BIRC7: variants seen among roughly 807,000 people sequenced by gnomAD.
BIRC7 encodes baculoviral IAP repeat-containing protein 7.
A neutral mutation model predicts 33.2 loss-of-function variants in BIRC7; 26 were observed. The ratio of observed to expected loss-of-function variants is 0.78; its 90% CI spans 0.57 to 1.09. The LOEUF is 1.09. BIRC7 is among the 50% of genes least tolerant of loss of function. The pLI, the probability that BIRC7 is intolerant of heterozygous loss-of-function variation, is 0.00. For synonymous variants in BIRC7, 176 were observed against 171.0 expected, an observed-to-expected ratio of 1.03 and a Z score of -0.23; for missense variants, 409 against 401.2, an observed-to-expected ratio of 1.02 and a Z score of -0.17.
intron 6 of BIRC7, 120 bp downstream of exon 6, chr20:63,239,730 A>T: frequency 7.5e-7 from 1 of 1,339,402 alleles, no homozygotes; most frequent in Non-Finnish European, 9.9e-7. Flanking sequence ...GCTTGTTTTT[A>T]CCCGGCTCCC....
At chr20:63,236,563 G>C in intron 1 of BIRC7, 118 bp downstream of exon 1, 1 of 1,365,690 alleles carries the variant, frequency 7.3e-7, no homozygotes, top group East Asian at 2.6e-5. Context: ...GGTCTGGCCT[G>C]ATGACGGAGC....
chr20:63,238,443 T>G lies in BIRC7; in HGVS notation c.497T>G (p.Val166Gly). The change falls in exon 3 of 7, where the codon GTG (valine) becomes GGG (glycine). Residue 166 changes from valine to glycine, a missense_variant. Val to Gly is a moderately radical substitution (Grantham distance 109). Coordinates refer to ENST00000217169, the MANE Select transcript of BIRC7 (RefSeq NM_139317.3). ...AAAGGAAGAGACTTTGTCCACAGTG[T>G]GCAGGAGACTCACTCCCAGCTGCTG... ...RSKGRDFVHSVQETHSQLLGS... is the reference protein window; with the variant it reads ...RSKGRDFVHSGQETHSQLLGS... 1.9e-6 allele frequency: 3 copies of G among 1,612,648 alleles called. No homozygotes were observed. The highest frequency in any genetic ancestry group is 2.5e-6 in the Non-Finnish European group (3 of 1,179,950).
chr20:63,239,158 A>G lies in BIRC7; in HGVS notation c.578-4A>G, dbSNP rs2066713665. On this transcript the variant is annotated splice_region_variant and splice_polypyrimidine_tract_variant and intron_variant, in intron 4 of 6. Coordinates refer to ENST00000217169, the MANE Select transcript of BIRC7 (RefSeq NM_139317.3). Reference sequence around the variant, plus strand: ...GGCCTCAAGTCTATCCTAACTGTCCACAGTCCCTGCCTCTGGGTACCCTGA... The same window carrying G: ...GGCCTCAAGTCTATCCTAACTGTCCGCAGTCCCTGCCTCTGGGTACCCTGA... The G allele has an allele frequency of 2.5e-6, 4 of 1,612,224 alleles. No individual in the cohort carries two copies. Among genetic ancestry groups the G allele is most frequent in the African/African-American group, 1.3e-5 (1 of 74,892 alleles).
rs112863575 is a variant in BIRC7 at position 63,238,441 on chromosome 20, T to C, written c.495T>C (p.Ser165=). 7.1e-5 allele frequency: 115 copies of C among 1,612,600 alleles called. No homozygotes were observed. The African/African-American group carries it at 1.4e-3, about 20-fold the overall frequency. The stretch of plus-strand genomic sequence containing the variant: ...CAAAAGGAAGAGACTTTGTCCACAG[T>C]GTGCAGGAGACTCACTCCCAGCTGC... ...LRSKGRDFVH[S]VQETHSQLLG... is the part of the protein sequence containing the mutation. The change falls in exon 3 of 7, where the codon AGT becomes AGC. Residue 165 remains serine (S), a synonymous_variant. Transcript: ENST00000217169.
chr20:63,238,013 C>A lies in BIRC7; in HGVS notation c.449+11C>A. ...CAAGTGGTTCCCCAGGTACCGGCTG[C>A]CCCTGCGGGGCCCCGGGTCTGATCA... On this transcript the variant is annotated intron_variant, in intron 2 of 6. Transcript: ENST00000217169. 6.3e-7 allele frequency: 1 copy of A among 1,580,980 alleles called. No individual in the cohort carries two copies. The highest frequency in any genetic ancestry group is 8.6e-7 in the Non-Finnish European group (1 of 1,166,814).
chr20:63,239,386 G>A lies in BIRC7; in HGVS notation c.678G>A (p.Arg226=), dbSNP rs766291917. 3.9e-5 allele frequency: 63 copies of A among 1,604,234 alleles called. No homozygotes were observed. The highest frequency in any genetic ancestry group is 5.2e-5 in the Non-Finnish European group (61 of 1,179,766). The change falls in exon 6 of 7, where the codon AGG becomes AGA. Residue 226 remains arginine, a synonymous_variant. Transcript: ENST00000217169. ...PGGVSPAEAQ[R]AWWVLEPPGA... ...GGGTCAGTCCAGCCGAGGCCCAGAG[G>A]GCGTGGTGGGTTCTTGAGCCCCCAG...
At chr20:63,238,239 C>T (rs2066704195) in intron 2 of BIRC7, 157 bp from the exon 3 acceptor site, 1 of 961,802 alleles carries the variant, frequency 1.0e-6, no homozygotes, top group East Asian at 2.6e-5. Flanking sequence ...CCTGAAGCCC[C>T]ATGGAGGCGT....
chr20:63,236,100 G>A lies in BIRC7; in HGVS notation c.4G>A (p.Gly2Arg). 6.5e-7 allele frequency: 1 copy of A among 1,543,786 alleles called. No individual in the cohort carries two copies. The highest frequency in any genetic ancestry group is 8.8e-7 in the Non-Finnish European group (1 of 1,136,656). Residue 2 changes from glycine (G) to arginine (R), a missense_variant, in exon 1 of 7, where the codon GGA becomes AGA. Transcript: ENST00000217169. Reference sequence around the variant, plus strand: ...GGTCAGAGCCAGTGTTCCCTCCATGGGACCTAAAGACAGTGCCAAGTGCCT... The same window carrying A: ...GGTCAGAGCCAGTGTTCCCTCCATGAGACCTAAAGACAGTGCCAAGTGCCT... MGPKDSAKCLHR... is the reference protein window; with the variant it reads MRPKDSAKCLHR...
Position 63,238,274 on chromosome 20 carries a change from T to A in BIRC7, c.450-122T>A, listed in dbSNP as rs767384081. 2.4e-6 allele frequency: 3 copies of A among 1,229,492 alleles called. No homozygotes were observed. In the South Asian group the frequency reaches 3.8e-5, roughly 16 times the overall value. The allele number at this position is 1,229,492 out of a possible 1,614,324, so 76.2% of individuals were successfully genotyped here. A position where few individuals can be genotyped will look rare whatever the true frequency, so the allele number is the denominator to read the frequency against. ...TCTCCACAGCAGCCCTCCTCGCCCATGCCCACGGGCACTGCAGGGTGGCGG... is the reference window on the plus strand; with the variant it reads ...TCTCCACAGCAGCCCTCCTCGCCCAAGCCCACGGGCACTGCAGGGTGGCGG... On this transcript the variant is annotated intron_variant, in intron 2 of 6. Coordinates refer to ENST00000217169, the MANE Select transcript of BIRC7 (RefSeq NM_139317.3).
At chr20:63,238,803 C>T in intron 4 of BIRC7, 189 bp downstream of exon 4, 1 of 770,792 alleles carries the variant, frequency 1.3e-6, no homozygotes, top group Non-Finnish European at 2.1e-6. Flanking sequence ...CGGCAGGGGC[C>T]TCCCCCAGTG....
In BIRC7 at chr20:63,239,384, AG is replaced by A; in HGVS notation, c.679del (p.Ala227ArgfsTer136). ...AGGGGTCAGTCCAGCCGAGGCCCAG[AG>A]GGCGTGGTGGGTTCTTGAGCCCCCA... is the stretch of plus-strand genomic sequence containing the variant. ...PGGVSPAEAQ[R>X]AWWVLEPPGA... On this transcript the variant is annotated frameshift_variant, in exon 6 of 7. Coordinates refer to ENST00000217169, the MANE Select transcript of BIRC7 (RefSeq NM_139317.3). LOFTEE classifies it high-confidence loss of function. The A allele has an allele frequency of 6.2e-7, 1 of 1,604,142 alleles. No individual in the cohort carries two copies.
chr20:63,239,031 G>C, intron 4 of BIRC7, 131 bp from the exon 5 acceptor site: 1 of 916,252 alleles, frequency 1.1e-6, no homozygotes, highest in South Asian at 1.5e-5. Flanking sequence ...AAGAAGTGTC[G>C]GGAGCGGGGA....
intron 1 of BIRC7, among the ~76,000 whole-genome samples, chr20:63,236,795 C>T (rs765220710): frequency 1.3e-5 from 2 of 152,210 alleles, no homozygotes; most frequent in Non-Finnish European, 2.9e-5. Context: ...ACCTTCCCCG[C>T]TGCTGTTCTG....
At position 63,239,363 on chromosome 20, in the gene BIRC7, G is replaced by T. The variant is rs2066716776; in HGVS notation, c.655G>T (p.Val219Phe). Residue 219 changes from valine (V) to phenylalanine (F), a missense_variant, in exon 6 of 7, where the codon GTC becomes TTC. Val to Phe is a conservative substitution (Grantham distance 50). Transcript: ENST00000217169. The part of the protein sequence containing the change: ...QSESAQEPGG[V>F]SPAEAQRAWW... ...TCGCAGGCCTGTCCTCCTAGGAGGGGTCAGTCCAGCCGAGGCCCAGAGGGC... is the reference window on the plus strand; with the variant it reads ...TCGCAGGCCTGTCCTCCTAGGAGGGTTCAGTCCAGCCGAGGCCCAGAGGGC... 1 of 1,603,136 alleles carries T rather than the reference G, an allele frequency of 6.2e-7. No individual in the cohort carries two copies. Among genetic ancestry groups the T allele is most frequent in the Non-Finnish European group, 8.5e-7 (1 of 1,179,682 alleles).
In BIRC7 at chr20:63,236,132, T is replaced by G. The variant is rs149214408; in HGVS notation, c.36T>G (p.Arg12=). 3 of 1,578,778 alleles carry G rather than the reference T, an allele frequency of 1.9e-6. No individual in the cohort carries two copies. The highest frequency in any genetic ancestry group is 2.6e-6 in the Non-Finnish European group (3 of 1,161,470). ...AAGACAGTGCCAAGTGCCTGCACCGTGGACCACAGCCGAGCCACTGGGCAG... is the reference window on the plus strand; with the variant it reads ...AAGACAGTGCCAAGTGCCTGCACCGGGGACCACAGCCGAGCCACTGGGCAG... The part of the protein sequence containing the change: ...GPKDSAKCLH[R]GPQPSHWAAG... Residue 12 remains arginine (R), a synonymous_variant, in exon 1 of 7, where the codon CGT becomes CGG. Coordinates refer to ENST00000217169, the MANE Select transcript of BIRC7 (RefSeq NM_139317.3).
chr20:63,239,110 C>A (rs1172448100), intron 4 of BIRC7, 52 bp from the exon 5 acceptor site: 6 of 1,577,510 alleles, frequency 3.8e-6, no homozygotes, highest in Non-Finnish European at 4.3e-6. Context: ...TCTGGGCCGG[C>A]CCAGCTTTCT....
rs41282996 is a variant in BIRC7, at chr20:63,236,274, C to T, written c.178C>T (p.Arg60Trp). The T allele has an allele frequency of 0.013, 21,704 of 1,609,484 alleles. 234 individuals carry two copies. Among genetic ancestry groups the T allele is most frequent in the African/African-American group, 0.053 (3,937 of 74,972 alleles). The change falls in exon 1 of 7, where the codon CGG becomes TGG. Residue 60 changes from arginine to tryptophan, a missense_variant. Physicochemically the swap from Arg to Trp is moderately radical, Grantham distance 101 (BLOSUM62 -3). Transcript: ENST00000217169. ...GGATGGGCAGATCCTGGGCCAGCTG[C>T]GGCCCCTGACAGAGGAGGAAGAGGA... is the stretch of plus-strand genomic sequence containing the variant. ...HVDGQILGQL[R>W]PLTEEEEEEG...
Position 63,239,389 on chromosome 20 carries a change from G to T in BIRC7, c.681G>T (p.Ala227=), listed in dbSNP as rs373757098. ...GGVSPAEAQR[A]WWVLEPPGAR... Reference sequence around the variant, plus strand: ...TCAGTCCAGCCGAGGCCCAGAGGGCGTGGTGGGTTCTTGAGCCCCCAGGAG... The same window carrying T: ...TCAGTCCAGCCGAGGCCCAGAGGGCTTGGTGGGTTCTTGAGCCCCCAGGAG... The change falls in exon 6 of 7, where the codon GCG becomes GCT. Residue 227 remains alanine, a synonymous_variant. Coordinates refer to ENST00000217169, the MANE Select transcript of BIRC7 (RefSeq NM_139317.3). 1 of 1,604,492 alleles carries T rather than the reference G, an allele frequency of 6.2e-7. No individual in the cohort carries two copies. Among genetic ancestry groups the T allele is most frequent in the Admixed American group, 1.7e-5 (1 of 60,006 alleles).
chr20:63,239,816 G>A (rs1473409494), intron 6 of BIRC7, among the ~76,000 whole-genome samples: 1 of 152,214 alleles, frequency 6.6e-6, no homozygotes, highest in Non-Finnish European at 1.5e-5. Context: ...TTCGGGCACC[G>A]TGCCCTGGCG....
Sources: gnomAD v4.1 joint callset for allele counts (sites outside exome capture counted in the v4.1 genomes callset) on GRCh38, gnomAD v4.1.1 for gene constraint, MANE v1.5 for transcripts, NCBI Gene and HGNC (gene_info 2026-07-23, HGNC 2026-07-21) for gene names.